UXS1: variants seen among roughly 807,000 people sequenced by gnomAD.
UXS1 encodes the protein UDP-glucuronate decarboxylase 1, also known as UDP-glucuronic acid decarboxylase 1.
In UXS1, 33 loss-of-function variants were observed where a neutral mutation model predicts 62.6. The observed-to-expected ratio is 0.53, with a 90% CI of 0.40 to 0.70. The LOEUF is 0.70. Among genes scored for constraint, UXS1 ranks in the 30% least tolerant of loss-of-function variants. The pLI, the probability that UXS1 is intolerant of heterozygous loss-of-function variation, is 0.00. For synonymous variants in UXS1, 213 were observed against 206.8 expected (o/e 1.03, Z -0.26); for missense variants, 434 against 556.3 (o/e 0.78, Z 2.21).
rs10659239 is a variant in UXS1 at position 106,166,699 on chromosome 2, C to CTTT, written c.95-619_95-617dup. Reference sequence around the variant, plus strand: ...CTAGAGTTGGACAGTGCAGGTGAAGCTTTTTTTTTTTTTTTTTTCCAAGTG... The same window carrying CTTT: ...CTAGAGTTGGACAGTGCAGGTGAAGCTTTTTTTTTTTTTTTTTTTTTCCAAGTG... On this transcript the variant is annotated intron_variant, in intron 1 of 14. Coordinates refer to ENST00000283148, the MANE Select transcript of UXS1 (RefSeq NM_001253875.2). Among the ~76,000 whole-genome samples the CTTT allele has an allele frequency of 1.6e-3, 206 of 126,932 alleles. 4 individuals are homozygous for CTTT. Among genetic ancestry groups the CTTT allele is most frequent in the East Asian group, 3.6e-3 (15 of 4,162 alleles). 83.3% of individuals were successfully genotyped at this position (126,932 alleles called of 152,430 possible).
chr2:106,128,443 A>G (rs910560043), intron 7 of UXS1, among the ~76,000 whole-genome samples: 2 of 152,200 alleles, frequency 1.3e-5, no homozygotes, highest in African/African-American at 4.8e-5. Flanking sequence ...TGTTTCCGGA[A>G]GAGAGGATAA....
chr2:106,153,454 C>G (rs1163421609), intron 5 of UXS1, among the ~76,000 whole-genome samples: 1 of 152,158 alleles, frequency 6.6e-6, no homozygotes, highest in Non-Finnish European at 1.5e-5. Flanking sequence ...CAAGGAACAA[C>G]AGTTAAAGCT....
At chr2:106,192,567 A>C (rs1480435992) in intron 1 of UXS1, among the ~76,000 whole-genome samples, 1 of 152,284 alleles carries the variant, frequency 6.6e-6, no homozygotes, top group East Asian at 1.9e-4. Flanking sequence ...AAAAAAAAAA[A>C]AAAACTTCCC....
chr2:106,129,845 T>C (rs1680284687), intron 6 of UXS1, 67 bp from the exon 7 acceptor site: 1 of 921,692 alleles, frequency 1.1e-6, no homozygotes, highest in African/African-American at 1.7e-5. Flanking sequence ...CCTCCTAGGA[T>C]ATATACTGTA....
intron 6 of UXS1, among the ~76,000 whole-genome samples, chr2:106,137,721 G>A (rs971574915): frequency 4.6e-5 from 7 of 152,056 alleles, no homozygotes; most frequent in Admixed American, 3.9e-4. Context: ...CTTGAACCTG[G>A]GAGGCAGAGG....
intron 12 of UXS1, 37 bp downstream of exon 12, chr2:106,101,021 G>C: frequency 6.2e-7 from 1 of 1,613,292 alleles, no homozygotes; most frequent in African/African-American, 1.3e-5. Context: ...ACGAAAGTCT[G>C]AGCTGTCCTG....
At chr2:106,124,057 C>T (rs1369109203) in intron 8 of UXS1, among the ~76,000 whole-genome samples, 2 of 152,190 alleles carry the variant, frequency 1.3e-5, no homozygotes, top group African/African-American at 4.8e-5. Context: ...AAAGAAAGGT[C>T]TATGTATCTG....
intron 7 of UXS1, among the ~76,000 whole-genome samples, chr2:106,129,149 G>A (rs757273659): frequency 1.2e-4 from 18 of 152,084 alleles, no homozygotes; most frequent in Non-Finnish European, 2.2e-4. Flanking sequence ...TTACTAATGC[G>A]AACCCTGAAG....
chr2:106,165,907 A>G, intron 2 of UXS1, 149 bp downstream of exon 2: 1 of 638,850 alleles, frequency 1.6e-6, no homozygotes, highest in South Asian at 3.3e-5. Context: ...ATAGGAGAAA[A>G]GAAACAGCTC....
At chr2:106,191,839 C>T (rs4851934) in intron 1 of UXS1, among the ~76,000 whole-genome samples, 145,483 of 152,350 alleles carry the variant, frequency 0.95, 69,575 homozygotes, top group East Asian at 0.99. Context: ...TGCTCTCACT[C>T]AGGAGTTCCT....
At chr2:106,182,930 T>C (rs1684336232) in intron 1 of UXS1, among the ~76,000 whole-genome samples, 1 of 152,160 alleles carries the variant, frequency 6.6e-6, no homozygotes, top group Admixed American at 6.5e-5. Context: ...ATAGAAATTC[T>C]GTTTTTTAAA....
At chr2:106,107,927 G>A (rs1248781478) in intron 10 of UXS1, among the ~76,000 whole-genome samples, 1 of 152,206 alleles carries the variant, frequency 6.6e-6, no homozygotes, top group African/African-American at 2.4e-5. Flanking sequence ...TGGGCCTCAA[G>A]GAAATAGTCC....
rs1684533020 is a variant in UXS1, at chr2:106,186,145, A to T, written c.94+8003T>A. Among the ~76,000 whole-genome samples the T allele has an allele frequency of 2.0e-5, 3 of 152,314 alleles. No individual in the cohort carries two copies. The South Asian group carries it at 6.2e-4, about 32-fold the overall frequency. ...AACAGAAAAATCGGTCCAGGCAAGG[A>T]TCGTCAATGGACATGAAATGCACTG... On this transcript the variant is annotated intron_variant, in intron 1 of 14. Coordinates refer to ENST00000283148, the MANE Select transcript of UXS1 (RefSeq NM_001253875.2).
In UXS1 at chr2:106,158,113, G is replaced by T. The variant is rs1263871928; in HGVS notation, c.236C>A (p.Thr79Asn). 1 of 1,561,914 alleles carries T rather than the reference G, an allele frequency of 6.4e-7. No homozygotes were observed. The highest frequency in any genetic ancestry group is 1.4e-5 in the African/African-American group (1 of 73,598). The change falls in exon 5 of 15, where the codon ACC becomes AAC. Residue 79 changes from threonine (T) to asparagine (N), a missense_variant. Coordinates refer to ENST00000283148, the MANE Select transcript of UXS1 (RefSeq NM_001253875.2). ...EKIRDLEKSF[T>N]QKYPPVKFLS... is the part of the protein sequence containing the mutation. ...AAACTTTACTGGTGGGTATTTCTGG[G>T]TAAAGCTGTATAATATAAAGAGATT... is the stretch of plus-strand genomic sequence containing the variant.
chr2:106,189,945 G>A (rs1316337662), intron 1 of UXS1, among the ~76,000 whole-genome samples: 1 of 152,236 alleles, frequency 6.6e-6, no homozygotes, highest in African/African-American at 2.4e-5. Flanking sequence ...AAGTCCTGCA[G>A]TGGGTAGGTC....
At chr2:106,157,981 A>G in intron 5 of UXS1, 77 bp downstream of exon 5, 1 of 1,252,682 alleles carries the variant, frequency 8.0e-7, no homozygotes, top group African/African-American at 1.5e-5. Flanking sequence ...CGTGAATTCT[A>G]TGATATGTGA....
At chr2:106,185,574 C>A (rs144362207) in intron 1 of UXS1, among the ~76,000 whole-genome samples, 1 of 152,174 alleles carries the variant, frequency 6.6e-6, no homozygotes, top group Non-Finnish European at 1.5e-5. Context: ...AAAGAAGCTA[C>A]GGGTCCACAG....
chr2:106,139,335 A>C (rs1680912747), intron 6 of UXS1, among the ~76,000 whole-genome samples: 1 of 152,228 alleles, frequency 6.6e-6, no homozygotes, highest in Non-Finnish European at 1.5e-5. Context: ...ATTAATGATC[A>C]GCAGCATTCC....
At chr2:106,151,902 A>G (rs1682045114) in intron 5 of UXS1, among the ~76,000 whole-genome samples, 1 of 152,240 alleles carries the variant, frequency 6.6e-6, no homozygotes, top group South Asian at 2.1e-4. Flanking sequence ...GAGAGATTAT[A>G]TGGGGTAACA....
Sources: gnomAD v4.1 joint callset for allele counts (sites outside exome capture counted in the v4.1 genomes callset) on GRCh38, gnomAD v4.1.1 for gene constraint, MANE v1.5 for transcripts, NCBI Gene and HGNC (gene_info 2026-07-23, HGNC 2026-07-21) for gene names.